The following PTGIS variants were observed in gnomAD, a reference collection of about 807,000 sequenced individuals.
The protein encoded by PTGIS is prostacyclin synthase.
PTGIS carries 45 observed loss-of-function variants against 50.3 expected under a neutral mutation model. The observed-to-expected ratio is 0.90, with a 90% CI of 0.70 to 1.15. PTGIS has a LOEUF of 1.15. PTGIS is among the 50% of genes most tolerant of loss of function. The pLI is 0.00. For synonymous variants in PTGIS, 260 were observed against 267.7 expected, an observed-to-expected ratio of 0.97 and a Z score of 0.28; for missense variants, 668 against 661.3, an observed-to-expected ratio of 1.01 and a Z score of -0.11.
At chr20:49,524,264 A>G (rs1231833153) in intron 5 of PTGIS, 25 bp from the exon 6 acceptor site, 1 of 1,611,438 alleles carries the variant, frequency 6.2e-7, no homozygotes, top group African/African-American at 1.3e-5. Flanking sequence ...CACAGAGAGT[A>G]GGGGTTACAG....
intron 1 of PTGIS, among the ~76,000 whole-genome samples, chr20:49,560,381 T>C (rs1234446769): frequency 6.6e-6 from 1 of 152,014 alleles, no homozygotes; most frequent in African/African-American, 2.4e-5. Context: ...GTTTTTCTAT[T>C]TTTTTATAGA....
intron 5 of PTGIS, among the ~76,000 whole-genome samples, chr20:49,530,174 T>C (rs1219001574): frequency 1.4e-5 from 2 of 144,972 alleles, no homozygotes; most frequent in Non-Finnish European, 3.0e-5. Context: ...AAAAAAAAAT[T>C]AAACTCTGTC....
rs568352297 is a variant in PTGIS, at chr20:49,551,873, C to T, written c.75-1684G>A. 2.7e-5 allele frequency among the ~76,000 whole-genome samples: 4 copies of T among 147,834 alleles called. No homozygotes were observed. In the South Asian group the frequency reaches 8.7e-4, roughly 32 times the overall value. ...GCCTTTATGCTTTCTTTTTTCTCTCCTAGGTTCTTGTTTTTTGAGAAAAAG... is the reference window on the plus strand; with the variant it reads ...GCCTTTATGCTTTCTTTTTTCTCTCTTAGGTTCTTGTTTTTTGAGAAAAAG... On this transcript the variant is annotated intron_variant, in intron 1 of 9. Transcript: ENST00000244043.
chr20:49,548,045 T>G, intron 2 of PTGIS, 26 bp from the exon 3 acceptor site: 1 of 1,609,058 alleles, frequency 6.2e-7, no homozygotes, highest in Non-Finnish European at 8.5e-7. Context: ...AGGGATAGAG[T>G]GAGGAGTGTC....
chr20:49,549,066 G>A (rs1045646120), intron 2 of PTGIS, among the ~76,000 whole-genome samples: 14 of 152,162 alleles, frequency 9.2e-5, no homozygotes, highest in Admixed American at 7.2e-4. Context: ...TATCCAGTGG[G>A]GAGACATCGA....
At chr20:49,538,630 GA>G (rs1183857220) in intron 5 of PTGIS, among the ~76,000 whole-genome samples, 1 of 151,986 alleles carries the variant, frequency 6.6e-6, no homozygotes, top group Non-Finnish European at 1.5e-5. Flanking sequence ...GGCTGGGAAA[GA>G]GCATAAAATG....
At chr20:49,529,503 CCA>C (rs1283691901) in intron 5 of PTGIS, among the ~76,000 whole-genome samples, 1 of 152,204 alleles carries the variant, frequency 6.6e-6, no homozygotes, top group Non-Finnish European at 1.5e-5. Flanking sequence ...CCTGTCTTAT[CCA>C]GTTTCACTTT....
At position 49,529,545 on chromosome 20, in the gene PTGIS, T is replaced by C. The variant is rs117213539; in HGVS notation, c.674-5306A>G. Among the ~76,000 whole-genome samples the C allele has an allele frequency of 1.4e-3, 216 of 152,274 alleles. 3 individuals carry two copies. The South Asian group carries it at 0.026, about 18-fold the overall frequency. ...GGTTTCCATCACCCATAGTCAACCA[T>C]GGTCCAAGAATATTAAATGAAAAAC... On this transcript the variant is annotated intron_variant, in intron 5 of 9. Coordinates refer to ENST00000244043, the MANE Select transcript of PTGIS (RefSeq NM_000961.4).
rs528839052 is a variant in PTGIS, at chr20:49,516,565, T to C, written c.856-2170A>G. 6.6e-5 allele frequency among the ~76,000 whole-genome samples: 10 copies of C among 152,248 alleles called. No individual in the cohort carries two copies. The South Asian group carries it at 1.0e-3, about 16-fold the overall frequency. ...TTACAATATTAAACCAAATAGAAGG[T>C]TAGATTAAAACAGCTGCATGATCTT... On this transcript the variant is annotated intron_variant, in intron 6 of 9. Coordinates refer to ENST00000244043, the MANE Select transcript of PTGIS (RefSeq NM_000961.4).
At chr20:49,528,351 C>T (rs1361994663) in intron 5 of PTGIS, among the ~76,000 whole-genome samples, 1 of 152,146 alleles carries the variant, frequency 6.6e-6, no homozygotes, top group Non-Finnish European at 1.5e-5. Context: ...GTGGCTCACT[C>T]CTGTAATCCC....
Position 49,548,682 on chromosome 20 carries a change from G to C in PTGIS, c.199-663C>G, listed in dbSNP as rs756933943. ...TGGATTGTAGAAGAGTAAATGGGCA[G>C]ATGGATGGATTGGTGAATGGGTAAA... is the stretch of plus-strand genomic sequence containing the variant. On this transcript the variant is annotated intron_variant, in intron 2 of 9. Transcript: ENST00000244043. Among the ~76,000 whole-genome samples the C allele has an allele frequency of 2.6e-5, 4 of 152,054 alleles. No homozygotes were observed. The South Asian group carries it at 8.3e-4, about 32-fold the overall frequency.
At chr20:49,517,143 G>A (rs528627121) in intron 6 of PTGIS, among the ~76,000 whole-genome samples, 43 of 152,148 alleles carry the variant, frequency 2.8e-4, no homozygotes, top group Non-Finnish European at 5.9e-4. Flanking sequence ...AAAACAAGTC[G>A]GGGGGGCCTC....
At chr20:49,543,397 A>G (rs1034370903) in intron 4 of PTGIS, among the ~76,000 whole-genome samples, 1 of 151,924 alleles carries the variant, frequency 6.6e-6, no homozygotes, top group East Asian at 1.9e-4. Context: ...GGGGCTTTCA[A>G]ACTAAGTTAG....
At position 49,513,214 on chromosome 20, in the gene PTGIS, T is replaced by G; in HGVS notation, c.1072A>C (p.Thr358Pro). Residue 358 changes from threonine (T) to proline (P), a missense_variant, in exon 8 of 10, where the codon ACC becomes CCC. Coordinates refer to ENST00000244043, the MANE Select transcript of PTGIS (RefSeq NM_000961.4). The part of the protein sequence containing the change: ...SLRLTAAPFI[T>P]REVVVDLAMP... ...GCCAGGTCCACCACAACCTCGCGGG[T>G]GATGAAGGGGGCAGCTGTAAGCCTG... is the stretch of plus-strand genomic sequence containing the variant. The G allele has an allele frequency of 6.2e-7, 1 of 1,613,838 alleles. No individual in the cohort carries two copies.
At chr20:49,548,144 T>C in intron 2 of PTGIS, 125 bp from the exon 3 acceptor site, 2 of 902,676 alleles carry the variant, frequency 2.2e-6, no homozygotes, top group Non-Finnish European at 3.5e-6. Context: ...TGTTCTCTTA[T>C]CTATGCCTCA....
At chr20:49,525,601 T>C (rs1291929680) in intron 5 of PTGIS, among the ~76,000 whole-genome samples, 1 of 151,690 alleles carries the variant, frequency 6.6e-6, no homozygotes, top group African/African-American at 2.4e-5. Context: ...TTTTTTAAAA[T>C]ATTTTCATGA....
At position 49,547,864 on chromosome 20, in the gene PTGIS, A is replaced by T. The variant is rs5622; in HGVS notation, c.354T>A (p.Ser118Arg). Residue 118 changes from serine (S) to arginine (R), a missense_variant, in exon 3 of 10, where the codon AGT (serine) becomes AGA (arginine). Coordinates refer to ENST00000244043, the MANE Select transcript of PTGIS (RefSeq NM_000961.4). ...FDVQLPHYSPSDEKARMKLTL... is the reference protein window; with the variant it reads ...FDVQLPHYSPRDEKARMKLTL... Reference sequence around the variant, plus strand: ...ACAGTTTCATCCTGGCCTTTTCATCACTGGGGCTGTAATGTGGAAGCTGCA... The same window carrying T: ...ACAGTTTCATCCTGGCCTTTTCATCTCTGGGGCTGTAATGTGGAAGCTGCA... 1.6e-3 allele frequency: 2,553 copies of T among 1,613,946 alleles called. 44 individuals carry two copies. The African/African-American group carries it at 0.031, about 20-fold the overall frequency.
intron 6 of PTGIS, 83 bp downstream of exon 6, chr20:49,523,975 G>T: frequency 6.6e-7 from 1 of 1,518,898 alleles, no homozygotes; most frequent in Non-Finnish European, 9.0e-7. Context: ...CTGCACAGGT[G>T]CACAGACATG....
intron 1 of PTGIS, among the ~76,000 whole-genome samples, chr20:49,556,301 G>A (rs1285346394): frequency 1.3e-5 from 2 of 152,118 alleles, no homozygotes; most frequent in Non-Finnish European, 2.9e-5. Flanking sequence ...GGCTTTAACT[G>A]GAATGACATA....
Sources: gnomAD v4.1 joint callset for allele counts (sites outside exome capture counted in the v4.1 genomes callset) on GRCh38, gnomAD v4.1.1 for gene constraint, MANE v1.5 for transcripts, NCBI Gene and HGNC (gene_info 2026-07-23, HGNC 2026-07-21) for gene names.